CARS1: variants seen among roughly 807,000 people sequenced by gnomAD.
The protein encoded by CARS1 is cysteine--tRNA ligase, cytoplasmic.
CARS1 carries 48 observed loss-of-function variants against 106.2 expected under a neutral mutation model. The observed-to-expected ratio is 0.45, with a 90% CI of 0.36 to 0.57. CARS1 has a LOEUF of 0.57. Among genes scored for constraint, CARS1 ranks in the 20% least tolerant of loss-of-function variants. The pLI is 0.00. For synonymous variants in CARS1, 409 were observed against 403.4 expected (o/e 1.01, Z -0.17); for missense variants, 968 against 1,057.2 (o/e 0.92, Z 1.17).
Position 3,028,145 on chromosome 11 carries a change from C to T in CARS1, c.1031+851G>A, listed in dbSNP as rs1027670711. 4.9e-5 allele frequency: 15 copies of T among 305,760 alleles called. No homozygotes were observed. The highest frequency in any genetic ancestry group is 9.4e-5 in the East Asian group (1 of 10,604). The allele number at this position is 305,760 out of a possible 1,614,324, so 18.9% of individuals were successfully genotyped here. A position where few individuals can be genotyped will look rare whatever the true frequency, so the allele number is the denominator to read the frequency against. Reference sequence around the variant, plus strand: ...CGTAAGCTGCCTCTCTCTGTCTCCTCTCTCTCTCTGCCTTGGCTGCCAGGC... The same window carrying T: ...CGTAAGCTGCCTCTCTCTGTCTCCTTTCTCTCTCTGCCTTGGCTGCCAGGC... On this transcript the variant is annotated intron_variant, in intron 9 of 22. Transcript: ENST00000380525. This position sits in a 1 kb window ranked among gnomAD's most constrained non-coding sequence, Gnocchi z 4.4.
rs148387545 is a variant in CARS1, at chr11:3,026,744, T to G, written c.1085A>C (p.Glu362Ala). 1.2e-6 allele frequency: 2 copies of G among 1,613,960 alleles called. No individual in the cohort carries two copies. Among genetic ancestry groups the G allele is most frequent in the East Asian group, 4.5e-5 (2 of 44,884 alleles). Residue 362 changes from glutamate to alanine, a missense_variant, in exon 10 of 23, where the codon GAG becomes GCG. Coordinates refer to ENST00000380525, the MANE Select transcript of CARS1 (RefSeq NM_001014437.3). ...YFDTAKFASS[E>A]KHSYGKLVPE... is the part of the protein sequence containing the mutation. The stretch of plus-strand genomic sequence containing the variant: ...CACCAGCTTCCCATAGGAGTGCTTC[T>G]CGCTAGAAGCAAACTTCGCTGTATC...
At chr11:3,054,433 C>A (rs1855993052) in intron 1 of CARS1, among the ~76,000 whole-genome samples, 1 of 152,210 alleles carries the variant, frequency 6.6e-6, no homozygotes, top group South Asian at 2.1e-4. Context: ...CTTCAAATAC[C>A]CGGAAACATG....
Position 3,015,869 on chromosome 11 carries a change from G to A in CARS1, c.1918-20C>T. 6.2e-7 allele frequency: 1 copy of A among 1,608,710 alleles called. No homozygotes were observed. The highest frequency in any genetic ancestry group is 8.5e-7 in the Non-Finnish European group (1 of 1,175,130). ...AAAGATCTAGGAAAAGAAACAGATG[G>A]GACCTGAAGCTGCGGCAAGATGAAG... On this transcript the variant is annotated intron_variant, in intron 16 of 22. Coordinates refer to ENST00000380525, the MANE Select transcript of CARS1 (RefSeq NM_001014437.3).
rs755416127 is a variant in CARS1 at position 3,017,234 on chromosome 11, C to T, written c.1789G>A (p.Val597Ile). The part of the protein sequence containing the change: ...ALCDNVDTRT[V>I]MEEMRALVSQ... ...ACCAAGGCCCGCATCTCTTCCATGA[C>T]GGTGCGGGTGTCAACATTGTCACAG... The change falls in exon 16 of 23, where the codon GTC (valine) becomes ATC (isoleucine). Residue 597 changes from valine to isoleucine, a missense_variant. Transcript: ENST00000380525. This position sits in a 1 kb window ranked among gnomAD's most constrained non-coding sequence, Gnocchi z 4.9. The T allele has an allele frequency of 1.2e-5, 20 of 1,614,136 alleles. No homozygotes were observed. The South Asian group carries it at 1.5e-4, about 12-fold the overall frequency.
At chr11:3,025,871 T>A (rs1852017134) in intron 10 of CARS1, among the ~76,000 whole-genome samples, 1 of 152,150 alleles carries the variant, frequency 6.6e-6, no homozygotes, top group Admixed American at 6.5e-5. Flanking sequence ...TCGGCACACA[T>A]CCCAGCACCC....
Position 3,050,958 on chromosome 11 carries a change from C to G in CARS1, c.26-2957G>C, listed in dbSNP as rs573539433. Among the ~76,000 whole-genome samples, 1 of 152,376 alleles carries G rather than the reference C, an allele frequency of 6.6e-6. No individual in the cohort carries two copies. Among genetic ancestry groups the G allele is most frequent in the Admixed American group, 6.5e-5 (1 of 15,306 alleles). The stretch of plus-strand genomic sequence containing the variant: ...TTCACTGCTCGATCTTCAGCATCTA[C>G]AACTGAGCGTGTGACATTCCAGATA... On this transcript the variant is annotated intron_variant, in intron 1 of 22. Coordinates refer to ENST00000380525, the MANE Select transcript of CARS1 (RefSeq NM_001014437.3). The surrounding 1 kb of genome is among the most constrained non-coding windows in gnomAD (Gnocchi z 6.3).
intron 10 of CARS1, among the ~76,000 whole-genome samples, chr11:3,024,866 A>G (rs1294249286): frequency 1.3e-5 from 2 of 152,194 alleles, no homozygotes; most frequent in Non-Finnish European, 1.5e-5. Flanking sequence ...GGCCTGGCAT[A>G]TGTTTCTGTG....
intron 10 of CARS1, 133 bp downstream of exon 10, chr11:3,026,543 T>C: frequency 2.3e-6 from 2 of 887,922 alleles, no homozygotes; most frequent in Non-Finnish European, 1.7e-6. Context: ...CTAAAATTCC[T>C]TCAGGTGAAA....
chr11:3,019,158 T>G lies in CARS1; in HGVS notation c.1376A>C (p.Asn459Thr). ...ACCTACCTCCGACTGTGCCAGCTCA[T>G]TGTCATGGTGGGGGAACCGGAGGTC... is the stretch of plus-strand genomic sequence containing the variant. ...GFDLRFPHHD[N>T]ELAQSEAYFE... Residue 459 changes from asparagine (N) to threonine (T), a missense_variant, in exon 12 of 23, where the codon AAT (asparagine) becomes ACT (threonine). Coordinates refer to ENST00000380525, the MANE Select transcript of CARS1 (RefSeq NM_001014437.3). This position sits in a 1 kb window ranked among gnomAD's most constrained non-coding sequence, Gnocchi z 6.2. 6.6e-7 allele frequency: 1 copy of G among 1,523,108 alleles called. No individual in the cohort carries two copies. The highest frequency in any genetic ancestry group is 8.8e-7 in the Non-Finnish European group (1 of 1,139,084). The allele number at this position is 1,523,108 out of a possible 1,614,324, so 94.3% of individuals were successfully genotyped here. A position where few individuals can be genotyped will look rare whatever the true frequency, so the allele number is the denominator to read the frequency against.
At chr11:3,006,280 T>C (rs1366039937) in intron 19 of CARS1, among the ~76,000 whole-genome samples, 1 of 152,132 alleles carries the variant, frequency 6.6e-6, no homozygotes, top group Non-Finnish European at 1.5e-5. Context: ...ACCCCGTCTC[T>C]ACTAAAGATA....
chr11:3,035,609 C>T (rs1312265800), intron 7 of CARS1, among the ~76,000 whole-genome samples: 3 of 152,114 alleles, frequency 2.0e-5, no homozygotes, highest in Non-Finnish European at 2.9e-5. Flanking sequence ...CCTCAGCCTC[C>T]CCAGTAGCTG....
rs1469343651 is a variant in CARS1, at chr11:3,039,248, C to T, written c.597G>A (p.Arg199=). Residue 199 remains arginine (R), a synonymous_variant, in exon 6 of 23, where the codon CGG becomes CGA. Transcript: ENST00000380525. This position sits in a 1 kb window ranked among gnomAD's most constrained non-coding sequence, Gnocchi z 5.6. ...ARQNHLFEQY[R]EKRPEAAQLL... is the part of the protein sequence containing the mutation. ...GCTGTGCCGCTTCAGGCCTCTTCTC[C>T]CGATACTGCTCGAACAGGTGGTTCT... 2.5e-6 allele frequency: 4 copies of T among 1,613,786 alleles called. No homozygotes were observed. Among genetic ancestry groups the T allele is most frequent in the Non-Finnish European group, 8.5e-7 (1 of 1,179,862 alleles).
chr11:3,048,745 G>A lies in CARS1; in HGVS notation c.26-744C>T, dbSNP rs1234828421. Among the ~76,000 whole-genome samples the A allele has an allele frequency of 1.3e-5, 2 of 152,168 alleles. No homozygotes were observed. The highest frequency in any genetic ancestry group is 1.3e-4 in the Admixed American group (2 of 15,284). On this transcript the variant is annotated intron_variant, in intron 1 of 22. Coordinates refer to ENST00000380525, the MANE Select transcript of CARS1 (RefSeq NM_001014437.3). The surrounding 1 kb of genome is among the most constrained non-coding windows in gnomAD (Gnocchi z 5.1). Reference sequence around the variant, plus strand: ...CAGGTCAAGGCCACAGCCTCAGGAGGACTGGGCCCCCTCAAAGGACCAGCC... The same window carrying A: ...CAGGTCAAGGCCACAGCCTCAGGAGAACTGGGCCCCCTCAAAGGACCAGCC...
chr11:3,027,989 T>G (rs1411922812), intron 9 of CARS1: 1 of 394,314 alleles, frequency 2.5e-6, no homozygotes, highest in Non-Finnish European at 5.1e-6. Context: ...CGTCTCCCTG[T>G]GATGCTGTGC....
In CARS1 at chr11:3,012,285, A is replaced by C; in HGVS notation, c.1987-9T>G. On this transcript the variant is annotated splice_polypyrimidine_tract_variant and intron_variant, in intron 17 of 22. Coordinates refer to ENST00000380525, the MANE Select transcript of CARS1 (RefSeq NM_001014437.3). ...ATGACTGTGGCCTCGAGCTGCGGAA[A>C]GAACAGTTTTGGTTCACTGAGAGCT... 1.2e-6 allele frequency: 2 copies of C among 1,613,998 alleles called. No homozygotes were observed. The highest frequency in any genetic ancestry group is 1.7e-6 in the Non-Finnish European group (2 of 1,179,820).
At chr11:3,016,423 C>T (rs1851013403) in intron 16 of CARS1, among the ~76,000 whole-genome samples, 1 of 151,802 alleles carries the variant, frequency 6.6e-6, no homozygotes, top group Admixed American at 6.6e-5. Flanking sequence ...CGGGGTTTCA[C>T]CGTGTTAGTC....
At chr11:3,036,036 G>A (rs979892659) in intron 7 of CARS1, among the ~76,000 whole-genome samples, 1 of 152,238 alleles carries the variant, frequency 6.6e-6, no homozygotes, top group African/African-American at 2.4e-5. Context: ...ATTGCGGCAC[G>A]TGCCAGGCAG....
rs1413026041 is a variant in CARS1, at chr11:3,044,366, G to T, written c.275-2110C>A. Among the ~76,000 whole-genome samples, 1 of 151,966 alleles carries T rather than the reference G, an allele frequency of 6.6e-6. No individual in the cohort carries two copies. Among genetic ancestry groups the T allele is most frequent in the Non-Finnish European group, 1.5e-5 (1 of 67,990 alleles). ...TACCAGGCCCAGATATACAAATTCA[G>T]ATTTGCAAAAGGGAAGAACTGAGAG... On this transcript the variant is annotated intron_variant, in intron 2 of 22. Coordinates refer to ENST00000380525, the MANE Select transcript of CARS1 (RefSeq NM_001014437.3). The surrounding 1 kb of genome is among the most constrained non-coding windows in gnomAD (Gnocchi z 4.4).
rs2134305225 is a variant in CARS1, at chr11:3,050,089, C to T, written c.26-2088G>A. On this transcript the variant is annotated intron_variant, in intron 1 of 22. Coordinates refer to ENST00000380525, the MANE Select transcript of CARS1 (RefSeq NM_001014437.3). The surrounding 1 kb of genome is among the most constrained non-coding windows in gnomAD (Gnocchi z 6.3). Reference sequence around the variant, plus strand: ...TACGGAGCCACGTGATGCCCCAAGGCCCAGCCTCCGTGGCTGCCGGAGAAG... The same window carrying T: ...TACGGAGCCACGTGATGCCCCAAGGTCCAGCCTCCGTGGCTGCCGGAGAAG... Among the ~76,000 whole-genome samples the T allele has an allele frequency of 6.6e-6, 1 of 152,346 alleles. No homozygotes were observed. Among genetic ancestry groups the T allele is most frequent in the East Asian group, 1.9e-4 (1 of 5,184 alleles).
Sources: allele counts gnomAD v4.1 joint callset (sites outside exome capture counted in the v4.1 genomes callset), GRCh38; gene constraint gnomAD v4.1.1; non-coding constraint Gnocchi (gnomAD v3.1); transcripts MANE v1.5; gene names NCBI Gene and HGNC (gene_info 2026-07-23, HGNC 2026-07-21).